Variants in ATR observed in about 807,000 individuals in gnomAD.
The protein encoded by ATR is serine/threonine-protein kinase ATR.
A neutral mutation model predicts 305.3 loss-of-function variants in ATR; 142 were observed. The observed-to-expected ratio is 0.47, with a 90% CI of 0.41 to 0.53. The LOEUF (loss-of-function observed/expected upper bound fraction) is 0.53. Ranked by LOEUF, ATR falls within the 20% of genes least tolerant of loss-of-function variation. ATR has a pLI of 0.00. For synonymous variants in ATR, 1,050 were observed against 1,068.1 expected, an observed-to-expected ratio of 0.98 and a Z score of 0.33; for missense variants, 2,135 against 3,133.1, an observed-to-expected ratio of 0.68 and a Z score of 7.60.
rs199948706 is a variant in ATR at position 142,449,547 on chromosome 3, C to T, written c.7817G>A (p.Arg2606Gln). 395 of 1,614,010 alleles carry T rather than the reference C, an allele frequency of 2.4e-4. No homozygotes were observed. The highest frequency in any genetic ancestry group is 3.0e-4 in the Non-Finnish European group (354 of 1,179,922). ...EQRLQGVIKT[R>Q]NRVTGLPLSI... Reference sequence around the variant, plus strand: ...TAACGGCAGTCCTGTCACTCTATTTCGAGTCTTGATTACACCTTGTAGTCG... The same window carrying T: ...TAACGGCAGTCCTGTCACTCTATTTTGAGTCTTGATTACACCTTGTAGTCG... The change falls in exon 47 of 47, where the codon CGA (arginine) becomes CAA (glutamine). Residue 2606 changes from arginine to glutamine, a missense_variant. Physicochemically the swap from Arg to Gln is conservative, Grantham distance 43. Around this residue, in one of 9 missense-constraint regions of ATR, gnomAD observed 462 missense variants for 887.6 expected, o/e 0.52. Coordinates refer to ENST00000350721, the MANE Select transcript of ATR (RefSeq NM_001184.4).
In ATR at chr3:142,556,069, T is replaced by C. The variant is rs1249892072; in HGVS notation, c.2149A>G (p.Thr717Ala). ...GTCAGATAAAACATGCCGTGAAGAG[T>C]ACAGACAAGTTGACCAAGTATAGAA... ...FASILGQLVCTLHGMFYLTSS... is the reference protein window; with the variant it reads ...FASILGQLVCALHGMFYLTSS... Residue 717 changes from threonine to alanine, a missense_variant, in exon 10 of 47, where the codon ACT (threonine) becomes GCT (alanine). Physicochemically the swap from Thr to Ala is moderately conservative, Grantham distance 58 (BLOSUM62 0). Transcript: ENST00000350721. 6.2e-7 allele frequency: 1 copy of C among 1,613,860 alleles called. No homozygotes were observed. The highest frequency in any genetic ancestry group is 2.2e-5 in the East Asian group (1 of 44,858).
rs1383330421 is a variant in ATR, at chr3:142,535,270, C to A, written c.3820-65G>T. The A allele has an allele frequency of 1.9e-6, 3 of 1,587,652 alleles. No individual in the cohort carries two copies. In the African/African-American group the frequency reaches 4.0e-5, roughly 21 times the overall value. On this transcript the variant is annotated intron_variant, in intron 20 of 46. Coordinates refer to ENST00000350721, the MANE Select transcript of ATR (RefSeq NM_001184.4). ...CTATTTTAACAACCATTTCCAAAGG[C>A]CTGAATTCTCTATATAGTTACCATT...
At chr3:142,575,371 A>G (rs2108508121) in intron 1 of ATR, among the ~76,000 whole-genome samples, 1 of 151,880 alleles carries the variant, frequency 6.6e-6, no homozygotes, top group South Asian at 2.1e-4. Flanking sequence ...TCCCAGCTAC[A>G]GGAAAGGGAG....
At chr3:142,521,231 C>A (rs1202827833) in intron 23 of ATR, among the ~76,000 whole-genome samples, 2 of 152,208 alleles carry the variant, frequency 1.3e-5, no homozygotes, top group Non-Finnish European at 2.9e-5. Context: ...GCATGGTTTA[C>A]TGAATATTTT....
chr3:142,554,153 T>A, intron 10 of ATR, 138 bp from the exon 11 acceptor site: 1 of 643,292 alleles, frequency 1.6e-6, no homozygotes, highest in Non-Finnish European at 2.5e-6. Context: ...TTTAAGTATG[T>A]ATAGCACACA....
At chr3:142,467,827 C>A (rs1263289987) in intron 39 of ATR, 107 bp downstream of exon 39, 44 of 1,315,296 alleles carry the variant, frequency 3.3e-5, no homozygotes, top group South Asian at 9.4e-5. Flanking sequence ...TATATGTGTA[C>A]ACCTATAGTT....
chr3:142,556,371 C>A lies in ATR; in HGVS notation c.2078+12G>T, dbSNP rs755071670. 6.2e-7 allele frequency: 1 copy of A among 1,606,828 alleles called. No individual in the cohort carries two copies. Among genetic ancestry groups the A allele is most frequent in the Non-Finnish European group, 8.5e-7 (1 of 1,173,394 alleles). Reference sequence around the variant, plus strand: ...TAGAGTGATATATTCAAATTAAAATCTTAGTACATACATAAGAATCTTGGG... The same window carrying A: ...TAGAGTGATATATTCAAATTAAAATATTAGTACATACATAAGAATCTTGGG... On this transcript the variant is annotated intron_variant, in intron 9 of 46. Coordinates refer to ENST00000350721, the MANE Select transcript of ATR (RefSeq NM_001184.4).
Position 142,470,263 on chromosome 3 carries a change from C to T in ATR, c.6222-80G>A, listed in dbSNP as rs937425399. The T allele has an allele frequency of 4.2e-6, 5 of 1,200,376 alleles. No homozygotes were observed. In the East Asian group the frequency reaches 7.6e-5, roughly 18 times the overall value. 74.4% of individuals were successfully genotyped at this position (1,200,376 alleles called of 1,614,324 possible). ...ACGAATTAAAATTTAAAGATTCAAA[C>T]TACCACATACCGTTTTCACAAAAAT... On this transcript the variant is annotated intron_variant, in intron 36 of 46. Transcript: ENST00000350721.
Position 142,468,075 on chromosome 3 carries a change from T to A in ATR, c.6553-7A>T, listed in dbSNP as rs753484521. 2 of 1,611,514 alleles carry A rather than the reference T, an allele frequency of 1.2e-6. No individual in the cohort carries two copies. Among genetic ancestry groups the A allele is most frequent in the Non-Finnish European group, 1.7e-6 (2 of 1,179,010 alleles). ...CACGCATGGGATAAGATGACTGTCA[T>A]AAAAAAGAGTTAAATGTCATAAAAA... On this transcript the variant is annotated splice_region_variant and splice_polypyrimidine_tract_variant and intron_variant, in intron 38 of 46. Transcript: ENST00000350721.
At chr3:142,498,209 G>A (rs2031755701) in intron 32 of ATR, among the ~76,000 whole-genome samples, 1 of 152,072 alleles carries the variant, frequency 6.6e-6, no homozygotes, top group African/African-American at 2.4e-5. Context: ...CTAGTAATGT[G>A]ATGCCTATAT....
chr3:142,511,005 T>A (rs1037737797), intron 27 of ATR, among the ~76,000 whole-genome samples: 1 of 152,158 alleles, frequency 6.6e-6, no homozygotes, highest in Non-Finnish European at 1.5e-5. Flanking sequence ...TAGTAATGCA[T>A]ACTAAGCATA....
chr3:142,499,648 C>T lies in ATR; in HGVS notation c.5359G>A (p.Val1787Met), dbSNP rs1187703801. 6.2e-7 allele frequency: 1 copy of T among 1,613,952 alleles called. No homozygotes were observed. The highest frequency in any genetic ancestry group is 8.5e-7 in the Non-Finnish European group (1 of 1,179,964). ...TTACCTGCTGCCAAATAGTTTTCCA[C>T]CAAATCCCACTGTGACAATTTCCAA... The part of the protein sequence containing the change: ...AAWKLSQWDL[V>M]ENYLAADGKS... Residue 1787 changes from valine to methionine, a missense_variant, in exon 31 of 47, where the codon GTG becomes ATG. Val to Met is a conservative substitution (Grantham distance 21). Coordinates refer to ENST00000350721, the MANE Select transcript of ATR (RefSeq NM_001184.4).
intron 36 of ATR, 82 bp downstream of exon 36, chr3:142,485,058 T>C (rs747993063): frequency 2.7e-5 from 42 of 1,569,204 alleles, no homozygotes; most frequent in Non-Finnish European, 3.6e-5. Context: ...ACCTAGAATA[T>C]GCTAAGACAT....
At chr3:142,469,295 G>A (rs1327856645) in intron 38 of ATR, 42 bp downstream of exon 38, 1 of 1,517,246 alleles carries the variant, frequency 6.6e-7, no homozygotes, top group South Asian at 1.1e-5. Flanking sequence ...ATATAAAATG[G>A]TAAAAGATCT....
chr3:142,524,233 A>G (rs2033277335), intron 21 of ATR, 34 bp from the exon 22 acceptor site: 3 of 1,541,996 alleles, frequency 1.9e-6, no homozygotes, highest in South Asian at 1.1e-5. Context: ...TTTATACGTA[A>G]TTTCTACAAA....
At position 142,562,332 on chromosome 3, in the gene ATR, A is replaced by T. The variant is rs1207025746; in HGVS notation, c.1070T>A (p.Val357Glu). 2 of 1,614,000 alleles carry T rather than the reference A, an allele frequency of 1.2e-6. No homozygotes were observed. The highest frequency in any genetic ancestry group is 2.7e-5 in the African/African-American group (2 of 74,928). The part of the protein sequence containing the change: ...CHLLQYFLKF[V>E]PAGYESALQV... ...TAAAGCAGATTCATACCCAGCTGGC[A>T]CAAATTTAAGGAAATACTGCAGTAA... The change falls in exon 4 of 47, where the codon GTG (valine) becomes GAG (glutamate). Residue 357 changes from valine (V) to glutamate (E), a missense_variant. Val to Glu is a moderately radical substitution (Grantham distance 121, BLOSUM62 -2). Coordinates refer to ENST00000350721, the MANE Select transcript of ATR (RefSeq NM_001184.4).
intron 20 of ATR, 94 bp downstream of exon 20, chr3:142,536,014 G>C (rs985306698): frequency 1.2e-5 from 11 of 887,870 alleles, no homozygotes; most frequent in Non-Finnish European, 2.1e-5. Flanking sequence ...ATTATCCCTA[G>C]ATATGATCCT....
At chr3:142,544,621 C>CAAAAAAAAAA (rs71153972) in intron 16 of ATR, among the ~76,000 whole-genome samples, 3 of 83,598 alleles carry the variant, frequency 3.6e-5, no homozygotes, top group Non-Finnish European at 7.3e-5. Flanking sequence ...AAGAAAGGAG[C>CAAAAAAAAAA]AAAAAAAAAA....
chr3:142,569,292 G>C (rs903417355), intron 1 of ATR, among the ~76,000 whole-genome samples: 3 of 152,070 alleles, frequency 2.0e-5, no homozygotes, highest in African/African-American at 7.2e-5. Flanking sequence ...ACCAACACAC[G>C]TTATTTTCTG....
Sources: gnomAD v4.1 joint callset for allele counts (sites outside exome capture counted in the v4.1 genomes callset) on GRCh38, gnomAD v4.1.1 for gene constraint, gnomAD v4.1.1 regional missense constraint, MANE v1.5 for transcripts, NCBI Gene and HGNC (gene_info 2026-07-23, HGNC 2026-07-21) for gene names.